RIN3: variants seen among roughly 807,000 people sequenced by gnomAD.
RIN3 encodes the protein RAB5 interacting protein 3.
Under a neutral mutation model 76.3 loss-of-function variants are expected in RIN3, and 54 were observed. The observed-to-expected ratio is 0.71, with a 90% confidence interval of 0.57 to 0.89. The LOEUF is 0.89. RIN3 is among the 40% of genes least tolerant of loss of function. The probability of loss-of-function intolerance (pLI) is 0.00; values close to 1 mark genes in which losing one functional copy is unlikely to be tolerated. For missense variants in RIN3, 1,256 were observed against 1,322.1 expected, an observed-to-expected ratio of 0.95 and a Z score of 0.78; for synonymous variants, 576 against 564.0, an observed-to-expected ratio of 1.02 and a Z score of -0.30.
intron 2 of RIN3, chr14:92,576,283 T>C: frequency 1.6e-6 from 2 of 1,289,510 alleles, no homozygotes; most frequent in Non-Finnish European, 2.0e-6. Flanking sequence ...CCGCTCCCCA[T>C]GCTTGCCTTC....
At chr14:92,569,289 T>C (rs928298814) in intron 2 of RIN3, among the ~76,000 whole-genome samples, 3 of 152,006 alleles carry the variant, frequency 2.0e-5, no homozygotes, top group African/African-American at 4.8e-5. Flanking sequence ...GCGGGTGGGG[T>C]GAGTGGAGCG....
At chr14:92,603,071 G>T (rs949828953) in intron 3 of RIN3, among the ~76,000 whole-genome samples, 2 of 152,232 alleles carry the variant, frequency 1.3e-5, no homozygotes, top group African/African-American at 2.4e-5. Context: ...CTGCAAGCCT[G>T]CATCGCACTC....
At chr14:92,572,926 G>C (rs548947106) in intron 2 of RIN3, among the ~76,000 whole-genome samples, 1 of 130,678 alleles carries the variant, frequency 7.7e-6, no homozygotes, top group Non-Finnish European at 1.5e-5. Context: ...TTGTTGCCCA[G>C]GCTGGAGTAC....
At chr14:92,646,377 G>A (rs979503148) in intron 5 of RIN3, among the ~76,000 whole-genome samples, 2 of 152,218 alleles carry the variant, frequency 1.3e-5, no homozygotes, top group East Asian at 1.9e-4. Context: ...TGCCCGCCAT[G>A]TGCTGCTTTT....
At chr14:92,550,961 C>A (rs1897406822) in intron 1 of RIN3, among the ~76,000 whole-genome samples, 1 of 152,106 alleles carries the variant, frequency 6.6e-6, no homozygotes, top group Non-Finnish European at 1.5e-5. Context: ...CACAAGTAAC[C>A]CTCAATGTTT....
At chr14:92,615,792 G>T in intron 4 of RIN3, 1 of 319,688 alleles carries the variant, frequency 3.1e-6, no homozygotes, top group Non-Finnish European at 5.8e-6. Context: ...CATTGCAGGG[G>T]TTCTAGAAGA....
At chr14:92,606,638 C>G (rs1256859043) in intron 3 of RIN3, among the ~76,000 whole-genome samples, 2 of 152,024 alleles carry the variant, frequency 1.3e-5, no homozygotes, top group Non-Finnish European at 2.9e-5. Context: ...TGGAAATAAC[C>G]AATAAACACA....
At chr14:92,556,524 C>T (rs866160981) in intron 2 of RIN3, among the ~76,000 whole-genome samples, 20 of 151,998 alleles carry the variant, frequency 1.3e-4, no homozygotes, top group African/African-American at 4.6e-4. Flanking sequence ...ATTCCTATTG[C>T]ATGGGAAGAT....
intron 3 of RIN3, among the ~76,000 whole-genome samples, chr14:92,605,176 G>A (rs1885483246): frequency 6.6e-6 from 1 of 152,042 alleles, no homozygotes; most frequent in Non-Finnish European, 1.5e-5. Context: ...CTCCCAAAGT[G>A]CTAGGATTAC....
At chr14:92,545,582 CTTTTTTTTTTTT>C (rs11324822) in intron 1 of RIN3, among the ~76,000 whole-genome samples, 1 of 114,712 alleles carries the variant, frequency 8.7e-6, no homozygotes, top group East Asian at 2.6e-4. Context: ...TTTTCTTTTT[CTTTTTTTTTTTT>C]TTTTGAGATG....
intron 1 of RIN3, among the ~76,000 whole-genome samples, chr14:92,518,789 C>CTGTGTGTG (rs61124300): frequency 0.086 from 11,091 of 128,266 alleles, 940 homozygotes; most frequent in African/African-American, 0.21. Flanking sequence ...TAAGGGTGGC[C>CTGTGTGTG]TGTGTGTGTG....
At chr14:92,547,486 C>G (rs12891285) in intron 1 of RIN3, among the ~76,000 whole-genome samples, 2 of 150,124 alleles carry the variant, frequency 1.3e-5, no homozygotes, top group African/African-American at 5.0e-5. Context: ...CCTTAACCTC[C>G]TAGGCTCAAG....
chr14:92,616,274 C>A (rs1167689929), intron 4 of RIN3, among the ~76,000 whole-genome samples: 1 of 152,186 alleles, frequency 6.6e-6, no homozygotes, highest in Non-Finnish European at 1.5e-5. Context: ...AATGAAAGTA[C>A]ACTCCACACG....
Position 92,576,011 on chromosome 14 carries a change from G to A in RIN3, c.250-1349G>A, listed in dbSNP as rs1010125380. ...TGGCCAGACACCTAGTTTTCCAAAC[G>A]CTAACCCAGAAGCTTGGGGCTGGAG... On this transcript the variant is annotated intron_variant, in intron 2 of 9. Coordinates refer to ENST00000216487, the MANE Select transcript of RIN3 (RefSeq NM_024832.5). Among the ~76,000 whole-genome samples, 6 of 152,204 alleles carry A rather than the reference G, an allele frequency of 3.9e-5. No individual in the cohort carries two copies. The South Asian group carries it at 6.2e-4, about 16-fold the overall frequency.
intron 4 of RIN3, among the ~76,000 whole-genome samples, chr14:92,616,419 A>C (rs1885967906): frequency 6.6e-6 from 1 of 151,540 alleles, no homozygotes; most frequent in African/African-American, 2.4e-5. Context: ...TAAAGTTACA[A>C]AGTCTTTTAC....
rs141078672 is a variant in RIN3 at position 92,519,705 on chromosome 14, C to A, written c.44+5729C>A. The stretch of plus-strand genomic sequence containing the variant: ...CAGGGCTGCCCAGAGATAGCCAACG[C>A]GTCCCTGTGCAGGTGGGGGCGGCAG... On this transcript the variant is annotated intron_variant, in intron 1 of 9. Coordinates refer to ENST00000216487, the MANE Select transcript of RIN3 (RefSeq NM_024832.5). Among the ~76,000 whole-genome samples the A allele has an allele frequency of 5.3e-4, 80 of 152,354 alleles. 1 individual carries two copies. The East Asian group carries it at 0.013, about 25-fold the overall frequency.
At position 92,651,608 on chromosome 14, in the gene RIN3, C is replaced by T. The variant is rs141011280; in HGVS notation, c.559C>T (p.Pro187Ser). 331 of 1,608,834 alleles carry T rather than the reference C, an allele frequency of 2.1e-4. No homozygotes were observed. Among genetic ancestry groups the T allele is most frequent in the Non-Finnish European group, 2.6e-4 (304 of 1,177,008 alleles). ...LGFWDSSLNP[P>S]QERGKPAEPP... ...TTTCTGGGACTCCTCGCTGAATCCT[C>T]CACAAGAAAGAGGGAAGCCAGCAGA... The change falls in exon 6 of 10, where the codon CCA (proline) becomes TCA (serine). Residue 187 changes from proline (P) to serine (S), a missense_variant. Pro to Ser is a moderately conservative substitution (Grantham distance 74). Transcript: ENST00000216487.
At chr14:92,673,217 C>T (rs1316791501) in intron 7 of RIN3, among the ~76,000 whole-genome samples, 1 of 152,124 alleles carries the variant, frequency 6.6e-6, no homozygotes, top group African/African-American at 2.4e-5. Flanking sequence ...TAGCTTGTTC[C>T]TTTTTATTCC....
intron 1 of RIN3, among the ~76,000 whole-genome samples, chr14:92,547,161 A>T (rs1376508398): frequency 2.8e-4 from 16 of 57,196 alleles, no homozygotes; most frequent in African/African-American, 4.3e-4. Context: ...TTATTATTAT[A>T]AAATAAATTA....
Sources: allele counts gnomAD v4.1 joint callset (sites outside exome capture counted in the v4.1 genomes callset), GRCh38; gene constraint gnomAD v4.1.1; transcripts MANE v1.5; gene names NCBI Gene and HGNC (gene_info 2026-07-23, HGNC 2026-07-21).